Variants in MIPOL1 observed in about 807,000 individuals in gnomAD.
MIPOL1 encodes the protein mirror-image polydactyly gene 1 protein.
MIPOL1 carries 57 observed loss-of-function variants against 60.9 expected under a neutral mutation model. The observed-to-expected ratio is 0.94, with a 90% CI of 0.76 to 1.17. The LOEUF (loss-of-function observed/expected upper bound fraction) is 1.17, where lower values mean the gene tolerates loss of function less well. Among genes scored for constraint, MIPOL1 ranks in the 50% most tolerant of loss-of-function variants. MIPOL1 has a pLI of 0.00. For missense variants in MIPOL1, 551 were observed against 511.6 expected (o/e 1.08, Z -0.74); for synonymous variants, 179 against 168.8 (o/e 1.06, Z -0.47).
chr14:37,270,552 G>T, intron 6 of MIPOL1, 27 bp downstream of exon 6: 1 of 1,261,136 alleles, frequency 7.9e-7, no homozygotes, highest in Non-Finnish European at 1.1e-6. Flanking sequence ...TTAACACATG[G>T]CTTGAAGAAT....
At chr14:37,318,816 TTTATTTATTTAGTTAG>T (rs1469893225) in intron 9 of MIPOL1, among the ~76,000 whole-genome samples, 1 of 147,194 alleles carries the variant, frequency 6.8e-6, no homozygotes, top group African/African-American at 2.6e-5. Context: ...TATTTATTTA[TTTATTTATTTAGTTAG>T]TTAGTTAGTT....
chr14:37,494,912 G>A lies in MIPOL1; in HGVS notation c.1032-4996G>A, dbSNP rs528303257. Among the ~76,000 whole-genome samples the A allele has an allele frequency of 1.9e-3, 286 of 152,144 alleles. 1 individual carries two copies. The highest frequency in any genetic ancestry group is 3.4e-3 in the Middle Eastern group (1 of 294). ...TCCAAGGTATTTTGAATGCTAAGCA[G>A]CTTTTGAACTTGCGGGTACAATCCA... On this transcript the variant is annotated intron_variant, in intron 11 of 12. Coordinates refer to ENST00000684589, the MANE Select transcript of MIPOL1 (RefSeq NM_001388067.1).
chr14:37,281,352 C>A (rs2084088577), intron 6 of MIPOL1, among the ~76,000 whole-genome samples: 1 of 152,024 alleles, frequency 6.6e-6, no homozygotes, highest in South Asian at 2.1e-4. Context: ...CTATCCTGTT[C>A]CATTGGTCAG....
At position 37,481,541 on chromosome 14, in the gene MIPOL1, A is replaced by G. The variant is rs141519981; in HGVS notation, c.1032-18367A>G. Among the ~76,000 whole-genome samples the G allele has an allele frequency of 4.5e-3, 651 of 145,770 alleles. 8 individuals are homozygous for G. The highest frequency in any genetic ancestry group is 0.015 in the African/African-American group (599 of 39,172). ...AAGAAATAGAAAAAACTATCATGGA[A>G]CTCATATGGACCCCCCCCAACACAC... On this transcript the variant is annotated intron_variant, in intron 11 of 12. Coordinates refer to ENST00000684589, the MANE Select transcript of MIPOL1 (RefSeq NM_001388067.1).
intron 3 of MIPOL1, among the ~76,000 whole-genome samples, chr14:37,253,481 G>A (rs142394591): frequency 6.6e-6 from 1 of 151,642 alleles, no homozygotes; most frequent in Non-Finnish European, 1.5e-5. Flanking sequence ...TTCCACCAGT[G>A]TGATGGTGGT....
intron 1 of MIPOL1, among the ~76,000 whole-genome samples, chr14:37,207,774 G>C (rs1966331311): frequency 6.6e-6 from 1 of 152,052 alleles, no homozygotes; most frequent in African/African-American, 2.4e-5. Flanking sequence ...TTGAACTCCT[G>C]ACCTCAGGTG....
intron 11 of MIPOL1, among the ~76,000 whole-genome samples, chr14:37,497,551 G>A (rs931578057): frequency 6.6e-6 from 1 of 152,156 alleles, no homozygotes; most frequent in African/African-American, 2.4e-5. Context: ...TCAAAAGACA[G>A]CATTAAGAGT....
At chr14:37,274,845 T>C (rs1362367436) in intron 6 of MIPOL1, among the ~76,000 whole-genome samples, 1 of 151,262 alleles carries the variant, frequency 6.6e-6, no homozygotes, top group Non-Finnish European at 1.5e-5. Flanking sequence ...CCATCTTGTT[T>C]TCTCAAGACT....
chr14:37,414,776 G>T (rs1158250698), intron 10 of MIPOL1, among the ~76,000 whole-genome samples: 1 of 152,094 alleles, frequency 6.6e-6, no homozygotes, highest in Non-Finnish European at 1.5e-5. Context: ...AAGTAAACAG[G>T]CACAGGTCTG....
Position 37,308,334 on chromosome 14 carries a change from T to A in MIPOL1, c.658-15T>A, listed in dbSNP as rs764735087. 1 of 1,514,932 alleles carries A rather than the reference T, an allele frequency of 6.6e-7. No individual in the cohort carries two copies. Among genetic ancestry groups the A allele is most frequent in the Non-Finnish European group, 8.8e-7 (1 of 1,137,286 alleles). The allele number at this position is 1,514,932 out of a possible 1,614,324, so 93.8% of individuals were successfully genotyped here. On this transcript the variant is annotated splice_polypyrimidine_tract_variant and intron_variant, in intron 8 of 12. Coordinates refer to ENST00000684589, the MANE Select transcript of MIPOL1 (RefSeq NM_001388067.1). ...TAAAACTTCATGTCTGACTAACATA[T>A]AATGGTGTTGGTAGACATTACAGGA...
intron 12 of MIPOL1, among the ~76,000 whole-genome samples, chr14:37,508,037 A>T (rs1223133348): frequency 6.6e-6 from 1 of 152,148 alleles, no homozygotes. Context: ...ATGTATCTTC[A>T]TGAGGCTATT....
chr14:37,228,886 G>A (rs78213825), intron 1 of MIPOL1, among the ~76,000 whole-genome samples: 5 of 152,122 alleles, frequency 3.3e-5, no homozygotes, highest in African/African-American at 1.2e-4. Flanking sequence ...GAGGCCAGGA[G>A]TTTGAGACCA....
At chr14:37,416,458 G>A (rs895975344) in intron 10 of MIPOL1, among the ~76,000 whole-genome samples, 2 of 152,126 alleles carry the variant, frequency 1.3e-5, no homozygotes, top group Admixed American at 1.3e-4. Flanking sequence ...ATATGGTGTA[G>A]CCTATTGCTC....
chr14:37,401,459 T>C (rs1403550562), intron 10 of MIPOL1: 1 of 152,076 alleles, frequency 6.6e-6, no homozygotes, highest in Non-Finnish European at 1.5e-5. Context: ...ACATTTGTTA[T>C]AAAATTGTAT....
chr14:37,304,236 A>C (rs895559761), intron 7 of MIPOL1, among the ~76,000 whole-genome samples: 1 of 151,556 alleles, frequency 6.6e-6, no homozygotes, highest in South Asian at 2.1e-4. Context: ...CTGCTTTGCT[A>C]CTTCTGATCT....
chr14:37,297,188 G>A (rs2085815502), intron 7 of MIPOL1, among the ~76,000 whole-genome samples: 1 of 152,112 alleles, frequency 6.6e-6, no homozygotes, highest in African/African-American at 2.4e-5. Flanking sequence ...CATATAAACA[G>A]AACCAAAGAT....
intron 1 of MIPOL1, among the ~76,000 whole-genome samples, chr14:37,243,304 T>G (rs926837896): frequency 3.3e-5 from 5 of 152,160 alleles, no homozygotes; most frequent in African/African-American, 9.6e-5. Flanking sequence ...GTAGGCACAC[T>G]GGGTGAAAGA....
chr14:37,521,084 C>T (rs952090045), intron 12 of MIPOL1, among the ~76,000 whole-genome samples: 12 of 151,452 alleles, frequency 7.9e-5, no homozygotes, highest in Admixed American at 2.6e-4. Flanking sequence ...TTACAGACAC[C>T]AGCCACCACG....
At chr14:37,486,566 C>T (rs1404507622) in intron 11 of MIPOL1, among the ~76,000 whole-genome samples, 1 of 152,068 alleles carries the variant, frequency 6.6e-6, no homozygotes, top group African/African-American at 2.4e-5. Flanking sequence ...GAATCGTATT[C>T]CTAGATATTT....
Sources: allele counts gnomAD v4.1 joint callset (sites outside exome capture counted in the v4.1 genomes callset), GRCh38; gene constraint gnomAD v4.1.1; transcripts MANE v1.5; gene names NCBI Gene and HGNC (gene_info 2026-07-23, HGNC 2026-07-21).